The following UGT1A5 variants were observed in gnomAD, a reference collection of about 807,000 sequenced individuals.
UGT1A5 encodes UDP-glucuronosyltransferase 1A5.
Under a neutral mutation model 40.3 loss-of-function variants are expected in UGT1A5, and 29 were observed. That is an observed-to-expected ratio of 0.72 (90% CI 0.54 to 0.98). The LOEUF is 0.98. UGT1A5 is among the 50% of genes least tolerant of loss of function. UGT1A5 has a pLI of 0.00. For missense variants in UGT1A5, 678 were observed against 677.9 expected, an observed-to-expected ratio of 1.00 and a Z score of 0.00; for synonymous variants, 257 against 262.5, an observed-to-expected ratio of 0.98 and a Z score of 0.20.
rs553805330 is a variant in UGT1A5, at chr2:233,754,902, A to C, written c.868-12132A>C. On this transcript the variant is annotated intron_variant, in intron 1 of 4. Coordinates refer to ENST00000373414, the MANE Select transcript of UGT1A5 (RefSeq NM_019078.2). ...TCCCAGGGAGTTCCTCTGACCCCCC[A>C]AAATATTCTCCAGCGGGTTTCCCAA... 31 of 1,352,320 alleles carry C rather than the reference A, an allele frequency of 2.3e-5. No individual in the cohort carries two copies. The East Asian group carries it at 6.4e-4, about 28-fold the overall frequency. 83.8% of individuals were successfully genotyped at this position (1,352,320 alleles called of 1,614,324 possible).
chr2:233,721,857 G>A (rs12475934), intron 1 of UGT1A5: 43,430 of 508,934 alleles, frequency 0.085, 2,681 homozygotes, highest in East Asian at 0.2. Context: ...CCCACTGCTC[G>A]GCCCTGGGCA....
At chr2:233,756,429 T>C (rs2125943260) in intron 1 of UGT1A5, 1 of 152,364 alleles carries the variant, frequency 6.6e-6, no homozygotes, top group South Asian at 2.1e-4. Context: ...ACTGTTTTTT[T>C]TTCATTGTTG....
At chr2:233,719,052 A>C (rs200903552) in intron 1 of UGT1A5, 5 of 1,614,270 alleles carry the variant, frequency 3.1e-6, no homozygotes, top group Non-Finnish European at 4.2e-6. Context: ...TTTCACCCTG[A>C]CAGCCTATGC....
At position 233,718,947 on chromosome 2, in the gene UGT1A5, A is replaced by C. The variant is rs771749966; in HGVS notation, c.867+5089A>C. On this transcript the variant is annotated intron_variant, in intron 1 of 4. Coordinates refer to ENST00000373414, the MANE Select transcript of UGT1A5 (RefSeq NM_019078.2). ...GCCCACTGATGGCAGCCCCTGGCTC[A>C]GCATGCGGGAGGCCTTGCGGGAGCT... is the stretch of plus-strand genomic sequence containing the variant. The C allele has an allele frequency of 3.1e-6, 5 of 1,613,894 alleles. No homozygotes were observed. The Admixed American group carries it at 6.7e-5, about 22-fold the overall frequency.
intron 1 of UGT1A5, chr2:233,747,179 G>T: frequency 3.1e-6 from 5 of 1,601,464 alleles, no homozygotes; most frequent in Non-Finnish European, 4.3e-6. Context: ...GCACAGCGTG[G>T]GGTGGACAGT....
chr2:233,743,460 A>AC, intron 1 of UGT1A5: 1 of 1,365,926 alleles, frequency 7.3e-7, no homozygotes. Context: ...AAGAAAAAAC[A>AC]CCCCCAAAAG....
intron 1 of UGT1A5, among the ~76,000 whole-genome samples, chr2:233,726,595 T>C (rs6715325): frequency 0.46 from 69,783 of 152,034 alleles, 16,487 homozygotes; most frequent in South Asian, 0.58. Flanking sequence ...TAAGAGCCCT[T>C]GTGATTACAC....
chr2:233,742,517 C>A (rs1053081898), intron 1 of UGT1A5, among the ~76,000 whole-genome samples: 5 of 151,892 alleles, frequency 3.3e-5, no homozygotes, highest in African/African-American at 1.2e-4. Context: ...GAACACGTCA[C>A]AGTGCTGCAG....
At chr2:233,737,829 G>A (rs1202229926) in intron 1 of UGT1A5, among the ~76,000 whole-genome samples, 2 of 151,976 alleles carry the variant, frequency 1.3e-5, no homozygotes, top group Admixed American at 6.6e-5. Context: ...AACAAATTGG[G>A]AACTGTGGCA....
chr2:233,767,851 C>G lies in UGT1A5; in HGVS notation c.1002C>G (p.Val334=), dbSNP rs752058783. 1 of 1,614,170 alleles carries G rather than the reference C, an allele frequency of 6.2e-7. No individual in the cohort carries two copies. Among genetic ancestry groups the G allele is most frequent in the Non-Finnish European group, 8.5e-7 (1 of 1,180,036 alleles). ...ADALGKIPQT[V]LWRYTGTRPS... Reference sequence around the variant, plus strand: ...TCTGCTCTTTTTGCCCCTCCCAGGTCCTGTGGCGGTACACTGGAACCCGAC... The same window carrying G: ...TCTGCTCTTTTTGCCCCTCCCAGGTGCTGTGGCGGTACACTGGAACCCGAC... The change falls in exon 3 of 5, where the codon GTC becomes GTG. Residue 334 remains valine (V), a splice_region_variant and synonymous_variant. Transcript: ENST00000373414.
intron 1 of UGT1A5, among the ~76,000 whole-genome samples, chr2:233,738,606 A>G (rs1397968465): frequency 6.6e-6 from 1 of 152,228 alleles, no homozygotes; most frequent in Non-Finnish European, 1.5e-5. Flanking sequence ...AAGCTTTAGC[A>G]AAGAAACTCG....
In UGT1A5 at chr2:233,772,387, C is replaced by T; in HGVS notation, c.1433C>T (p.Ala478Val). The stretch of plus-strand genomic sequence containing the variant: ...AAGGGCGCGCCACACCTGCGCCCCG[C>T]AGCCCACGACCTCACCTGGTACCAG... ...RHKGAPHLRPAAHDLTWYQYH... is the reference protein window; with the variant it reads ...RHKGAPHLRPVAHDLTWYQYH... Residue 478 changes from alanine to valine, a missense_variant, in exon 5 of 5, where the codon GCA (alanine) becomes GTA (valine). Physicochemically the swap from Ala to Val is moderately conservative, Grantham distance 64. Coordinates refer to ENST00000373414, the MANE Select transcript of UGT1A5 (RefSeq NM_019078.2). The T allele has an allele frequency of 6.2e-7, 1 of 1,614,274 alleles. No homozygotes were observed. The highest frequency in any genetic ancestry group is 1.1e-5 in the South Asian group (1 of 91,092).
At chr2:233,732,080 C>A (rs1261829762) in intron 1 of UGT1A5, among the ~76,000 whole-genome samples, 1 of 152,166 alleles carries the variant, frequency 6.6e-6, no homozygotes, top group Non-Finnish European at 1.5e-5. Context: ...GCATAAATGT[C>A]TTCTTTTGAG....
intron 1 of UGT1A5, among the ~76,000 whole-genome samples, chr2:233,715,165 C>T (rs971455001): frequency 3.9e-5 from 6 of 152,048 alleles, no homozygotes; most frequent in East Asian, 1.9e-4. Flanking sequence ...GAATTACAGG[C>T]GCGAGCCACC....
At chr2:233,742,842 A>G (rs1167043204) in intron 1 of UGT1A5, 1 of 158,994 alleles carries the variant, frequency 6.3e-6, no homozygotes, top group Non-Finnish European at 1.4e-5. Flanking sequence ...TACACACTAA[A>G]CAATAAAGTC....
chr2:233,772,304 C>G lies in UGT1A5; in HGVS notation c.1350C>G (p.Asp450Glu), dbSNP rs1165346261. The change falls in exon 5 of 5, where the codon GAC becomes GAG. Residue 450 changes from aspartate to glutamate, a missense_variant. Transcript: ENST00000373414. The part of the protein sequence containing the change: ...NIMRLSSLHK[D>E]RPVEPLDLAV... ...TGCGCCTCTCCAGCCTTCACAAGGA[C>G]CGCCCGGTGGAGCCGCTGGACCTGG... The G allele has an allele frequency of 6.2e-7, 1 of 1,614,230 alleles. No homozygotes were observed. The highest frequency in any genetic ancestry group is 2.2e-5 in the East Asian group (1 of 44,884).
intron 1 of UGT1A5, among the ~76,000 whole-genome samples, chr2:233,740,339 A>G (rs1249228201): frequency 7.9e-5 from 12 of 151,952 alleles, no homozygotes; most frequent in Non-Finnish European, 1.5e-4. Flanking sequence ...GAGAAAGTTG[A>G]TGAGAAAGTG....
intron 1 of UGT1A5, among the ~76,000 whole-genome samples, chr2:233,720,871 ATTTTTT>A (rs60621337): frequency 7.5e-6 from 1 of 132,772 alleles, no homozygotes; most frequent in African/African-American, 2.9e-5. Flanking sequence ...GCTCCTGGCA[ATTTTTT>A]TTTTTTTTTT....
rs753289474 is a variant in UGT1A5 at position 233,769,632 on chromosome 2, G to C, written c.1307+1193G>C. ...CACCAGCTTGAGCAAGGGACAACAG[G>C]GGAGGACTGATGACTGACTTCCCAC... On this transcript the variant is annotated intron_variant, in intron 4 of 4. Transcript: ENST00000373414. This position sits in a 1 kb window ranked among gnomAD's most constrained non-coding sequence, Gnocchi z 4.4. The C allele has an allele frequency of 1.7e-5, 27 of 1,611,424 alleles. No individual in the cohort carries two copies. Among genetic ancestry groups the C allele is most frequent in the Non-Finnish European group, 1.8e-5 (21 of 1,179,338 alleles).
Sources: allele counts gnomAD v4.1 joint callset (sites outside exome capture counted in the v4.1 genomes callset), GRCh38; gene constraint gnomAD v4.1.1; non-coding constraint Gnocchi (gnomAD v3.1); transcripts MANE v1.5; gene names NCBI Gene and HGNC (gene_info 2026-07-23, HGNC 2026-07-21).